LIG3: variants seen among roughly 807,000 people sequenced by gnomAD.
The protein encoded by LIG3 is DNA ligase 3.
LIG3 carries 58 observed loss-of-function variants against 110.9 expected under a neutral mutation model. That is an observed-to-expected ratio of 0.52 (90% confidence interval 0.42 to 0.65). The LOEUF is 0.65. LIG3 is among the 30% of genes least tolerant of loss of function. The probability of loss-of-function intolerance (pLI) is 0.00; values close to 1 mark genes in which losing one functional copy is unlikely to be tolerated. For synonymous variants in LIG3, 422 were observed against 472.8 expected (o/e 0.89, Z 1.39); for missense variants, 1,094 against 1,273.8 (o/e 0.86, Z 2.15).
At position 34,991,089 on chromosome 17, in the gene LIG3, A is replaced by G. The variant is rs2090715089; in HGVS notation, c.1016A>G (p.Asp339Gly). Residue 339 changes from aspartate to glycine, a missense_variant, in exon 5 of 20, where the codon GAT becomes GGT. Coordinates refer to ENST00000378526, the MANE Select transcript of LIG3 (RefSeq NM_013975.4). ...LFSRIFNCNP[D>G]DMARDLEQGD... The stretch of plus-strand genomic sequence containing the variant: ...AGTCGCATTTTTAACTGCAACCCAG[A>G]TGATATGGCACGGGACCTAGAGCAG... 1 of 1,614,124 alleles carries G rather than the reference A, an allele frequency of 6.2e-7. No homozygotes were observed. The highest frequency in any genetic ancestry group is 8.5e-7 in the Non-Finnish European group (1 of 1,180,022).
In LIG3 at chr17:35,001,279, C is replaced by G. The variant is rs765233995; in HGVS notation, c.2354C>G (p.Thr785Arg). 1.9e-6 allele frequency: 3 copies of G among 1,614,078 alleles called. No individual in the cohort carries two copies. Among genetic ancestry groups the G allele is most frequent in the Non-Finnish European group, 2.5e-6 (3 of 1,179,936 alleles). The change falls in exon 17 of 20, where the codon ACA becomes AGA. Residue 785 changes from threonine to arginine, a missense_variant. Transcript: ENST00000378526. ...CAGAAAGCTGCCGTGTGGGAGATCA[C>G]AGGGGCTGAATTCTCCAAATCGGAG... ...DPKKAAVWEITGAEFSKSEAH... is the reference protein window; with the variant it reads ...DPKKAAVWEIRGAEFSKSEAH...
Position 35,004,526 on chromosome 17 carries a change from C to G in LIG3, c.*20C>G. The G allele has an allele frequency of 6.3e-7, 1 of 1,590,212 alleles. No homozygotes were observed. The highest frequency in any genetic ancestry group is 8.6e-7 in the Non-Finnish European group (1 of 1,158,492). The stretch of plus-strand genomic sequence containing the variant: ...TGCTAGGTTTGCTGTCTTCCCTCTC[C>G]CTCAGGCCATACTCTCCTTTACCAT... On this transcript the variant is annotated 3_prime_UTR_variant, in exon 20 of 20. Transcript: ENST00000378526.
intron 12 of LIG3, 22 bp from the exon 13 acceptor site, chr17:34,998,197 C>T (rs2090799861): frequency 6.3e-7 from 1 of 1,595,806 alleles, no homozygotes; most frequent in Non-Finnish European, 8.6e-7. Context: ...ACACCAACTT[C>T]AGCATCTCTC....
intron 18 of LIG3, among the ~76,000 whole-genome samples, chr17:35,002,359 A>G (rs1029192124): frequency 2.0e-5 from 3 of 152,108 alleles, no homozygotes; most frequent in Admixed American, 1.3e-4. Context: ...GGAATAAGCT[A>G]CCTTTGAGTA....
chr17:35,002,103 T>C lies in LIG3; in HGVS notation c.2673T>C (p.Asp891=). 2 of 1,577,408 alleles carry C rather than the reference T, an allele frequency of 1.3e-6. No individual in the cohort carries two copies. The highest frequency in any genetic ancestry group is 1.7e-6 in the Non-Finnish European group (2 of 1,162,548). The change falls in exon 18 of 20, where the codon GAT becomes GAC. Residue 891 remains aspartate (D), a splice_region_variant and synonymous_variant. Transcript: ENST00000378526. ...AGCTGAGTAACTCCAACAGCAAAGA[T>C]GGTAAGGATAGGGAGGGGGCTGGTA... ...EGKLSNSNSK[D]GNMQTAKPSA... is the part of the protein sequence containing the mutation.
intron 2 of LIG3, among the ~76,000 whole-genome samples, chr17:34,985,748 C>T (rs1230123406): frequency 6.6e-6 from 1 of 152,140 alleles, no homozygotes; most frequent in Non-Finnish European, 1.5e-5. Flanking sequence ...ATTTAAGGTA[C>T]TAATAGAGAT....
At chr17:34,989,769 T>C (rs2142249285) in intron 4 of LIG3, 106 bp downstream of exon 4, 3 of 1,033,298 alleles carry the variant, frequency 2.9e-6, no homozygotes, top group Middle Eastern at 2.9e-4. Context: ...CCATGCTTGG[T>C]TTAATGCTGT....
chr17:34,993,317 G>A (rs1026585713), intron 8 of LIG3, among the ~76,000 whole-genome samples: 8 of 152,128 alleles, frequency 5.3e-5, no homozygotes, highest in Admixed American at 5.2e-4. Flanking sequence ...GTGATGTACA[G>A]TGCTTTTTTT....
chr17:34,990,040 T>C (rs1264360860), intron 4 of LIG3, among the ~76,000 whole-genome samples: 1 of 152,240 alleles, frequency 6.6e-6, no homozygotes, highest in African/African-American at 2.4e-5. Flanking sequence ...ACTCTGTTTC[T>C]TTCATTTATC....
At position 35,004,516 on chromosome 17, in the gene LIG3, C is replaced by T. The variant is rs761142521; in HGVS notation, c.*10C>T. The T allele has an allele frequency of 6.2e-7, 1 of 1,603,600 alleles. No individual in the cohort carries two copies. Among genetic ancestry groups the T allele is most frequent in the Non-Finnish European group, 8.5e-7 (1 of 1,170,574 alleles). On this transcript the variant is annotated 3_prime_UTR_variant, in exon 20 of 20. Coordinates refer to ENST00000378526, the MANE Select transcript of LIG3 (RefSeq NM_013975.4). ...GGTAGCTCCCTGCTAGGTTTGCTGT[C>T]TTCCCTCTCCCTCAGGCCATACTCT...
At chr17:34,994,113 G>C in intron 8 of LIG3, 163 bp from the exon 9 acceptor site, 2 of 581,288 alleles carry the variant, frequency 3.4e-6, no homozygotes. Context: ...AGCCCTTTCC[G>C]TTCCCATCAC....
In LIG3 at chr17:35,004,655, G is replaced by A; in HGVS notation, c.*149G>A. The A allele has an allele frequency of 1.6e-6, 1 of 630,638 alleles. No individual in the cohort carries two copies. Among genetic ancestry groups the A allele is most frequent in the Non-Finnish European group, 2.8e-6 (1 of 361,006 alleles). The allele number at this position is 630,638 out of a possible 1,614,324, so 39.1% of individuals were successfully genotyped here. On this transcript the variant is annotated 3_prime_UTR_variant, in exon 20 of 20. Transcript: ENST00000378526. ...TTCTCCACTGTCTCTTCTGGACCAG[G>A]AATTAGTTGCTGTGGGTGCCACAGC...
At chr17:34,999,077 C>A in intron 14 of LIG3, 1 of 549,230 alleles carries the variant, frequency 1.8e-6, no homozygotes, top group Non-Finnish European at 3.2e-6. Flanking sequence ...GTGTCCAACA[C>A]AGTTCAATGC....
chr17:34,986,299 T>TTTTG (rs370199117), intron 3 of LIG3, among the ~76,000 whole-genome samples, 168 bp downstream of exon 3: 4 of 152,000 alleles, frequency 2.6e-5, no homozygotes, highest in Non-Finnish European at 4.4e-5. Flanking sequence ...TCCGCTTGGT[T>TTTTG]TTTGTTTGTT....
chr17:35,010,830 C>G (rs1435460984), downstream of LIG3: 1 of 152,076 alleles, frequency 6.6e-6, no homozygotes, highest in Non-Finnish European at 1.5e-5. Flanking sequence ...GGTCTCCTCA[C>G]TCCCCACCAA....
chr17:35,010,013 T>TGG (rs2090926016), downstream of LIG3: 1 of 152,668 alleles, frequency 6.6e-6, no homozygotes, highest in East Asian at 1.9e-4. Flanking sequence ...GCAAAGGCTG[T>TGG]GGTTCAGAAT....
chr17:35,009,755 G>A (rs1042402637), downstream of LIG3: 2 of 152,508 alleles, frequency 1.3e-5, no homozygotes, highest in Non-Finnish European at 2.9e-5. Context: ...TGTCTAGGAG[G>A]GAAACTGAAG....
At chr17:34,994,636 T>A (rs1221788406) in intron 9 of LIG3, among the ~76,000 whole-genome samples, 1 of 152,194 alleles carries the variant, frequency 6.6e-6, no homozygotes, top group African/African-American at 2.4e-5. Context: ...GAGCCCTGAC[T>A]TGGGTTCGTG....
At chr17:34,996,687 G>A in intron 11 of LIG3, 34 bp downstream of exon 11, 1 of 1,551,130 alleles carries the variant, frequency 6.4e-7, no homozygotes, top group Non-Finnish European at 8.9e-7. Context: ...CCCAGAAACT[G>A]CCAGGAATCT....
Sources: gnomAD v4.1 joint callset for allele counts (sites outside exome capture counted in the v4.1 genomes callset) on GRCh38, gnomAD v4.1.1 for gene constraint, MANE v1.5 for transcripts, NCBI Gene and HGNC (gene_info 2026-07-23, HGNC 2026-07-21) for gene names.